Variants in TENM2 observed in about 807,000 individuals in gnomAD.
The protein encoded by TENM2 is teneurin transmembrane protein 2.
A neutral mutation model predicts 245.2 loss-of-function variants in TENM2; 52 were observed. The ratio of observed to expected loss-of-function variants is 0.21; its 90% confidence interval spans 0.17 to 0.27. The LOEUF (loss-of-function observed/expected upper bound fraction) is 0.27, where lower values mean the gene tolerates loss of function less well. TENM2 is among the 10% of genes least tolerant of loss of function. The pLI, the probability that TENM2 is intolerant of heterozygous loss-of-function variation, is 1.00. For synonymous variants in TENM2, 1,363 were observed against 1,438.9 expected (o/e 0.95, Z 1.19); for missense variants, 3,046 against 3,666.8 (o/e 0.83, Z 4.37).
At chr5:167,002,667 A>C in the TENM2 span, among the ~76,000 whole-genome samples, 1 of 147,810 alleles carries the variant, frequency 6.8e-6, no homozygotes, top group Non-Finnish European at 1.5e-5. Context: ...CCAAAAAAAC[A>C]AAAAAAAAAC....
In TENM2 at chr5:167,299,818, G is replaced by A. The variant is rs1324101263; in HGVS notation, c.226+14755G>A. ...AATGTGGGAGGCTGGATTGAAGTCC[G>A]GGCCAGGAACAATGGTAATTATGGG... On this transcript the variant is annotated intron_variant, in intron 1 of 28. Transcript: ENST00000518659. Among the ~76,000 whole-genome samples, 5 of 152,124 alleles carry A rather than the reference G, an allele frequency of 3.3e-5. No homozygotes were observed. The East Asian group carries it at 9.6e-4, about 29-fold the overall frequency.
intron 9 of TENM2, among the ~76,000 whole-genome samples, chr5:168,099,212 G>T (rs183276237): frequency 6.6e-6 from 1 of 150,990 alleles, no homozygotes; most frequent in Non-Finnish European, 1.5e-5. Flanking sequence ...GCCCGGCCTC[G>T]TTTTTTTTTA....
intron 2 of TENM2, among the ~76,000 whole-genome samples, chr5:167,402,494 T>C (rs912863989): frequency 6.6e-6 from 1 of 152,134 alleles, no homozygotes; most frequent in Non-Finnish European, 1.5e-5. Flanking sequence ...TGGATATATT[T>C]AGAGTTTTGA....
chr5:168,262,534 C>T lies in TENM2; in HGVS notation c.8049C>T (p.Leu2683=), dbSNP rs768172244. The T allele has an allele frequency of 2.6e-6, 4 of 1,556,308 alleles. No individual in the cohort carries two copies. The African/African-American group carries it at 4.1e-5, about 16-fold the overall frequency. ...TGCTGCTCAGCATCCGCTATGGCCT[C>T]ACCCCCGACACCCTGGACGAAGAGA... is the stretch of plus-strand genomic sequence containing the variant. Residue 2683 remains leucine (L), a synonymous_variant, in exon 29 of 29, where the codon CTC becomes CTT. Transcript: ENST00000518659.
At chr5:168,119,555 C>T (rs1795324644) in intron 10 of TENM2, among the ~76,000 whole-genome samples, 2 of 152,198 alleles carry the variant, frequency 1.3e-5, no homozygotes, top group South Asian at 2.1e-4. Context: ...TCTCTGGTTG[C>T]CATTTGATTA....
chr5:167,026,024 C>T, the TENM2 span, among the ~76,000 whole-genome samples: 2 of 151,910 alleles, frequency 1.3e-5, no homozygotes, highest in Non-Finnish European at 2.9e-5. Context: ...TTTTTCTTGC[C>T]CTGGTTATTT....
chr5:168,014,617 G>A (rs535127725), intron 5 of TENM2, among the ~76,000 whole-genome samples: 13 of 152,300 alleles, frequency 8.5e-5, no homozygotes, highest in South Asian at 4.1e-4. Context: ...TGCACTAGGC[G>A]TAATGGTTTC....
chr5:167,228,043 T>C, the TENM2 span, among the ~76,000 whole-genome samples: 5 of 151,752 alleles, frequency 3.3e-5, no homozygotes, highest in African/African-American at 1.2e-4. Context: ...TTTTATTTTA[T>C]TTTTTGACTG....
chr5:167,384,335 C>T (rs1292149530), intron 2 of TENM2, among the ~76,000 whole-genome samples: 3 of 151,876 alleles, frequency 2.0e-5, no homozygotes, highest in African/African-American at 4.8e-5. Flanking sequence ...AAATAGGGGT[C>T]GGGACTTTTA....
Position 168,080,949 on chromosome 5 carries a change from A to G in TENM2, c.1516-9625A>G, listed in dbSNP as rs566280789. Among the ~76,000 whole-genome samples, 14 of 152,196 alleles carry G rather than the reference A, an allele frequency of 9.2e-5. No individual in the cohort carries two copies. The South Asian group carries it at 1.7e-3, about 18-fold the overall frequency. ...AGTTCTGTAGATGTCTATTAGGTCTACTTGGTGCAGAGCTGAGTTCAATTC... is the reference window on the plus strand; with the variant it reads ...AGTTCTGTAGATGTCTATTAGGTCTGCTTGGTGCAGAGCTGAGTTCAATTC... On this transcript the variant is annotated intron_variant, in intron 7 of 28. Coordinates refer to ENST00000518659, the Ensembl canonical transcript of TENM2.
intron 3 of TENM2, among the ~76,000 whole-genome samples, chr5:167,887,339 C>A (rs548617871): frequency 6.6e-6 from 1 of 152,204 alleles, no homozygotes. Context: ...GGTAGAGATA[C>A]GCTCAAGAGC....
intron 2 of TENM2, among the ~76,000 whole-genome samples, chr5:167,448,114 TG>T (rs1169049413): frequency 3.3e-5 from 5 of 152,324 alleles, no homozygotes; most frequent in African/African-American, 1.2e-4. Context: ...TGGTTCCCAG[TG>T]GCAGTCAGAA....
At chr5:168,002,884 A>G (rs1784515633) in intron 5 of TENM2, among the ~76,000 whole-genome samples, 1 of 152,218 alleles carries the variant, frequency 6.6e-6, no homozygotes, top group Non-Finnish European at 1.5e-5. Flanking sequence ...TCTGCAGGCC[A>G]GCCTTAATAT....
chr5:167,018,191 A>G, the TENM2 span, among the ~76,000 whole-genome samples: 1 of 152,218 alleles, frequency 6.6e-6, no homozygotes. Flanking sequence ...TGTACAGTCA[A>G]TTTCCCCTAA....
the TENM2 span, among the ~76,000 whole-genome samples, chr5:167,092,023 G>C: frequency 1.3e-5 from 2 of 152,124 alleles, no homozygotes; most frequent in South Asian, 4.1e-4. Context: ...CTTGCAATGA[G>C]TATCTGCCTC....
intron 2 of TENM2, among the ~76,000 whole-genome samples, chr5:167,539,000 A>G (rs1772021624): frequency 6.6e-6 from 1 of 152,170 alleles, no homozygotes; most frequent in African/African-American, 2.4e-5. Flanking sequence ...TAAGAAAACG[A>G]TAATCTCATC....
chr5:167,479,049 G>A (rs984492099), intron 2 of TENM2, among the ~76,000 whole-genome samples: 2 of 151,924 alleles, frequency 1.3e-5, no homozygotes, highest in Non-Finnish European at 2.9e-5. Flanking sequence ...ATGTATGTAT[G>A]ACAGTGATAT....
At chr5:167,725,027 T>C (rs1759895930) in intron 2 of TENM2, among the ~76,000 whole-genome samples, 1 of 152,334 alleles carries the variant, frequency 6.6e-6, no homozygotes, top group African/African-American at 2.4e-5. Flanking sequence ...AGAAGAAGGA[T>C]TATATTTATT....
chr5:167,529,537 C>T (rs1771354103), intron 2 of TENM2, among the ~76,000 whole-genome samples: 1 of 152,088 alleles, frequency 6.6e-6, no homozygotes, highest in South Asian at 2.1e-4. Context: ...TGTAGAGTAA[C>T]CAGCATATAT....
Sources: gnomAD v4.1 joint callset for allele counts (sites outside exome capture counted in the v4.1 genomes callset) on GRCh38, gnomAD v4.1.1 for gene constraint, MANE v1.5 for transcripts, NCBI Gene and HGNC (gene_info 2026-07-23, HGNC 2026-07-21) for gene names.